Variants in SOX5 observed in about 807,000 individuals in gnomAD.
SOX5 encodes the protein transcription factor SOX-5.
SOX5 carries 9 observed loss-of-function variants against 92.0 expected under a neutral mutation model. That is an observed-to-expected ratio of 0.10 (90% CI 0.06 to 0.17). The LOEUF is 0.17. SOX5 is among the 10% of genes least tolerant of loss of function. SOX5 has a pLI of 1.00. For missense variants in SOX5, 642 were observed against 944.5 expected, an observed-to-expected ratio of 0.68 and a Z score of 4.20; for synonymous variants, 344 against 336.3, an observed-to-expected ratio of 1.02 and a Z score of -0.25.
At chr12:23,603,006 T>C (rs2074710932) in intron 9 of SOX5, among the ~76,000 whole-genome samples, 7 of 152,084 alleles carry the variant, frequency 4.6e-5, no homozygotes, top group Admixed American at 4.6e-4. Context: ...GTCAATGTAG[T>C]GTGTACAATA....
intron 3 of SOX5, among the ~76,000 whole-genome samples, chr12:24,229,935 A>G (rs1462335638): frequency 6.6e-6 from 1 of 152,214 alleles, no homozygotes; most frequent in Non-Finnish European, 1.5e-5. Context: ...TGGTCATCAT[A>G]AGGTTATGTG....
At chr12:23,962,998 C>A (rs954239461) in intron 4 of SOX5, among the ~76,000 whole-genome samples, 26 of 152,156 alleles carry the variant, frequency 1.7e-4, no homozygotes, top group African/African-American at 5.6e-4. Context: ...TGAATAGAAT[C>A]TAATGATTTC....
intron 6 of SOX5, among the ~76,000 whole-genome samples, chr12:23,731,924 TTAAG>T (rs1303836294): frequency 6.6e-6 from 1 of 152,120 alleles, no homozygotes; most frequent in East Asian, 1.9e-4. Context: ...GATGAATAAT[TTAAG>T]TTAGTATGTT....
intron 3 of SOX5, among the ~76,000 whole-genome samples, chr12:24,223,056 C>T (rs905288985): frequency 2.6e-5 from 4 of 152,088 alleles, no homozygotes; most frequent in South Asian, 4.2e-4. Context: ...ATGGGTAATT[C>T]GAGGATTTCA....
chr12:23,947,516 C>T (rs1454237638), intron 1 of SOX5, among the ~76,000 whole-genome samples: 1 of 151,778 alleles, frequency 6.6e-6, no homozygotes, highest in Non-Finnish European at 1.5e-5. Flanking sequence ...TAATGATTTG[C>T]TGAGATCTTT....
chr12:24,484,630 T>C (rs1946332751), intron 1 of SOX5, among the ~76,000 whole-genome samples: 1 of 152,126 alleles, frequency 6.6e-6, no homozygotes, highest in Non-Finnish European at 1.5e-5. Context: ...ATAACTCTCT[T>C]AAAGAAACTG....
intron 4 of SOX5, among the ~76,000 whole-genome samples, chr12:24,161,545 T>A (rs564979911): frequency 7.2e-5 from 11 of 152,172 alleles, no homozygotes; most frequent in Non-Finnish European, 1.3e-4. Flanking sequence ...ATAATAATAG[T>A]TGGATAGAAA....
chr12:24,497,560 C>T (rs1197974803), intron 1 of SOX5, among the ~76,000 whole-genome samples: 1 of 151,966 alleles, frequency 6.6e-6, no homozygotes, highest in Non-Finnish European at 1.5e-5. Context: ...CAGATGCTGG[C>T]AAGGTTATGA....
chr12:23,779,225 TA>T (rs2095203790), intron 3 of SOX5, among the ~76,000 whole-genome samples: 1 of 152,114 alleles, frequency 6.6e-6, no homozygotes, highest in Non-Finnish European at 1.5e-5. Flanking sequence ...GAGAAATGTT[TA>T]TTTTTTTATG....
chr12:24,528,173 T>C (rs1485488999), intron 1 of SOX5, among the ~76,000 whole-genome samples: 2 of 152,256 alleles, frequency 1.3e-5, no homozygotes, highest in African/African-American at 2.4e-5. Context: ...GGACATCGCA[T>C]AGTCACGTAA....
intron 1 of SOX5, among the ~76,000 whole-genome samples, chr12:24,453,986 C>T (rs1942683248): frequency 6.6e-6 from 1 of 152,156 alleles, no homozygotes; most frequent in African/African-American, 2.4e-5. Context: ...TACATTTCTC[C>T]AAATAAAACC....
chr12:23,937,771 G>A (rs539305656), intron 1 of SOX5, among the ~76,000 whole-genome samples: 144 of 150,964 alleles, frequency 9.5e-4, no homozygotes, highest in African/African-American at 3.2e-3. Flanking sequence ...ACAAAATTTT[G>A]GCTGAGGCCC....
intron 1 of SOX5, among the ~76,000 whole-genome samples, chr12:24,482,898 C>A (rs962946740): frequency 2.0e-5 from 3 of 152,090 alleles, no homozygotes; most frequent in African/African-American, 7.2e-5. Context: ...TCTCTAAATG[C>A]CAAGTCAAGT....
At chr12:23,700,382 T>C (rs1593409276) in intron 6 of SOX5, among the ~76,000 whole-genome samples, 1 of 152,132 alleles carries the variant, frequency 6.6e-6, no homozygotes, top group African/African-American at 2.4e-5. Flanking sequence ...TCTAGACCCA[T>C]CTTAAACTTC....
chr12:24,280,836 T>A (rs1945081844), intron 2 of SOX5, among the ~76,000 whole-genome samples: 1 of 152,142 alleles, frequency 6.6e-6, no homozygotes, highest in African/African-American at 2.4e-5. Context: ...TTAAGGTTTT[T>A]TTTTTTAGCA....
chr12:23,604,275 C>T (rs904811826), intron 9 of SOX5, 112 bp downstream of exon 9: 5 of 1,136,802 alleles, frequency 4.4e-6, no homozygotes, highest in Non-Finnish European at 6.5e-6. Context: ...TTCTTACCTC[C>T]TTGTACACCC....
At chr12:24,506,784 C>CTTTTTTT (rs386375924) in intron 1 of SOX5, among the ~76,000 whole-genome samples, 1,955 of 81,702 alleles carry the variant, frequency 0.024, 232 homozygotes, top group Non-Finnish European at 0.032. Flanking sequence ...TCCAAATGGT[C>CTTTTTTT]TTTTTTTTTT....
At chr12:23,951,358 C>T (rs1289238124), upstream of SOX5, among the ~76,000 whole-genome samples, 2 of 151,940 alleles carry the variant, frequency 1.3e-5, no homozygotes, top group Non-Finnish European at 2.9e-5. Context: ...ACTTCCCCTC[C>T]CAATTCCTTT....
chr12:23,868,076 C>A (rs930490605), intron 2 of SOX5, among the ~76,000 whole-genome samples: 1 of 151,372 alleles, frequency 6.6e-6, no homozygotes, highest in South Asian at 2.1e-4. Context: ...TCCCTCACTC[C>A]CTCTCTCCCT....
Sources: allele counts gnomAD v4.1 joint callset (sites outside exome capture counted in the v4.1 genomes callset), GRCh38; gene constraint gnomAD v4.1.1; transcripts MANE v1.5; gene names NCBI Gene and HGNC (gene_info 2026-07-23, HGNC 2026-07-21).